SAMD15: variants seen among roughly 807,000 people sequenced by gnomAD.
SAMD15 encodes sterile alpha motif domain-containing protein 15.
SAMD15 carries 37 observed loss-of-function variants against 50.5 expected under a neutral mutation model. That is an observed-to-expected ratio of 0.73 (90% CI 0.56 to 0.96). SAMD15 has a LOEUF of 0.96. Among genes scored for constraint, SAMD15 ranks in the 40% least tolerant of loss-of-function variants. SAMD15 has a pLI of 0.00. For missense variants in SAMD15, 789 were observed against 783.8 expected (o/e 1.01, Z -0.08); for synonymous variants, 255 against 282.8 (o/e 0.90, Z 0.99).
At chr14:77,383,275 A>G (rs560869905) in intron 2 of SAMD15, among the ~76,000 whole-genome samples, 2 of 152,316 alleles carry the variant, frequency 1.3e-5, no homozygotes, top group South Asian at 4.1e-4. Flanking sequence ...AATTAGCAAA[A>G]TAGTAACCTG....
Position 77,378,555 on chromosome 14 carries a change from T to C in SAMD15, c.1137T>C (p.Thr379=), listed in dbSNP as rs1222111503. 1.2e-6 allele frequency: 2 copies of C among 1,613,292 alleles called. No individual in the cohort carries two copies. Among genetic ancestry groups the C allele is most frequent in the South Asian group, 2.2e-5 (2 of 91,012 alleles). ...EKKNPQPPEE[T]GPVLPQEINP... is the part of the protein sequence containing the mutation. The stretch of plus-strand genomic sequence containing the variant: ...AAAATCCACAGCCACCAGAGGAGAC[T>C]GGTCCAGTGCTACCACAGGAGATCA... Residue 379 remains threonine, a synonymous_variant, in exon 1 of 3, where the codon ACT becomes ACC. Coordinates refer to ENST00000216471, the MANE Select transcript of SAMD15 (RefSeq NM_001010860.4).
chr14:77,380,511 GC>G (rs1893932260), intron 2 of SAMD15, 30 bp downstream of exon 2: 1 of 1,487,554 alleles, frequency 6.7e-7, no homozygotes, highest in African/African-American at 1.4e-5. Flanking sequence ...TCCCTACAGA[GC>G]ACTGTTAACA....
At chr14:77,382,137 T>TG (rs1465255407) in intron 2 of SAMD15, among the ~76,000 whole-genome samples, 253 of 151,542 alleles carry the variant, frequency 1.7e-3, no homozygotes, top group Non-Finnish European at 3.2e-3. Context: ...GGGGTTTTTT[T>TG]TTTTTGAGAC....
chr14:77,377,498 G>C lies in SAMD15; in HGVS notation c.80G>C (p.Gly27Ala). Residue 27 changes from glycine to alanine, a missense_variant, in exon 1 of 3, where the codon GGA becomes GCA. This residue lies in a region of SAMD15 where 770 missense variants were observed against 745.4 expected (regional missense o/e 1.03). Transcript: ENST00000216471. The part of the protein sequence containing the change: ...ELEPERPELP[G>A]LHKLYENAEP... ...GAGCCTGAGAGGCCTGAACTGCCTGGACTTCATAAATTGTATGAAAATGCC... is the reference window on the plus strand; with the variant it reads ...GAGCCTGAGAGGCCTGAACTGCCTGCACTTCATAAATTGTATGAAAATGCC... 1 of 1,614,108 alleles carries C rather than the reference G, an allele frequency of 6.2e-7. No homozygotes were observed. Among genetic ancestry groups the C allele is most frequent in the Non-Finnish European group, 8.5e-7 (1 of 1,180,018 alleles).
At chr14:77,388,110 A>T (rs1010238027) in intron 2 of SAMD15, among the ~76,000 whole-genome samples, 1 of 152,076 alleles carries the variant, frequency 6.6e-6, no homozygotes, top group African/African-American at 2.4e-5. Flanking sequence ...TACTGTGCAA[A>T]ACAGTAGTGA....
At chr14:77,389,274 G>A (rs12434419) in intron 2 of SAMD15, among the ~76,000 whole-genome samples, 44,540 of 151,612 alleles carry the variant, frequency 0.29, 7,198 homozygotes, top group African/African-American at 0.42. Context: ...TTTTATATCA[G>A]GTTTAGCATT....
chr14:77,378,777 C>A lies in SAMD15; in HGVS notation c.1359C>A (p.Asp453Glu), dbSNP rs184667014. 6.2e-7 allele frequency: 1 copy of A among 1,611,932 alleles called. No individual in the cohort carries two copies. The highest frequency in any genetic ancestry group is 8.5e-7 in the Non-Finnish European group (1 of 1,179,418). The change falls in exon 1 of 3, where the codon GAC becomes GAA. Residue 453 changes from aspartate (D) to glutamate (E), a missense_variant. Physicochemically the swap from Asp to Glu is conservative, Grantham distance 45 (BLOSUM62 2). Around this residue, in one of 2 missense-constraint regions of SAMD15, gnomAD observed 770 missense variants for 745.4 expected, o/e 1.03. Coordinates refer to ENST00000216471, the MANE Select transcript of SAMD15 (RefSeq NM_001010860.4). ...EPKRGKLSLS[D>E]KFRKEYYALG... ...AAAGAGGAAAGTTGTCACTAAGTGACAAATTTAGAAAAGAATATTACGCAT... is the reference window on the plus strand; with the variant it reads ...AAAGAGGAAAGTTGTCACTAAGTGAAAAATTTAGAAAAGAATATTACGCAT...
chr14:77,381,784 T>G (rs1893945612), intron 2 of SAMD15, among the ~76,000 whole-genome samples: 1 of 152,234 alleles, frequency 6.6e-6, no homozygotes, highest in South Asian at 2.1e-4. Flanking sequence ...TTTCTTAAAT[T>G]CTGCTAATAG....
In SAMD15 at chr14:77,380,450, A is replaced by G; in HGVS notation, c.1757A>G (p.Gln586Arg). The G allele has an allele frequency of 2.5e-6, 4 of 1,613,778 alleles. No individual in the cohort carries two copies. In the South Asian group the frequency reaches 4.4e-5, roughly 18 times the overall value. The change falls in exon 2 of 3, where the codon CAG (glutamine) becomes CGG (arginine). Residue 586 changes from glutamine (Q) to arginine (R), a missense_variant. Around this residue, in one of 2 missense-constraint regions of SAMD15, gnomAD observed 770 missense variants for 745.4 expected, o/e 1.03. Transcript: ENST00000216471. ...CACGTCAACTGCTCAAACCTCCCTC[A>G]GATGGGGATAACAAACTTTGAGGAC... Reference protein sequence around the residue: ...LIHVNCSNLPQMGITNFEDMK... With the variant: ...LIHVNCSNLPRMGITNFEDMK...
Position 77,378,631 on chromosome 14 carries a change from G to A in SAMD15, c.1213G>A (p.Glu405Lys), listed in dbSNP as rs1256814654. The change falls in exon 1 of 3, where the codon GAG becomes AAG. Residue 405 changes from glutamate (E) to lysine (K), a missense_variant. Physicochemically the swap from Glu to Lys is moderately conservative, Grantham distance 56. Transcript: ENST00000216471. Reference sequence around the variant, plus strand: ...AACAAAGCCAACTGAGAAAATTCTAGAGTTACCAGATGAAACCAAACCAAG... The same window carrying A: ...AACAAAGCCAACTGAGAAAATTCTAAAGTTACCAGATGAAACCAAACCAAG... Reference protein sequence around the residue: ...TQTKPTEKILELPDETKPRET... With the variant: ...TQTKPTEKILKLPDETKPRET... 2 of 1,613,916 alleles carry A rather than the reference G, an allele frequency of 1.2e-6. No individual in the cohort carries two copies. The highest frequency in any genetic ancestry group is 1.3e-5 in the African/African-American group (1 of 74,902).
At chr14:77,390,510 G>A (rs1396154497) in intron 2 of SAMD15, among the ~76,000 whole-genome samples, 24 of 152,168 alleles carry the variant, frequency 1.6e-4, no homozygotes, top group Admixed American at 1.6e-3. Flanking sequence ...CTTTGAAAAG[G>A]ATAATCATGA....
In SAMD15 at chr14:77,377,768, A is replaced by T. The variant is rs752693521; in HGVS notation, c.350A>T (p.Glu117Val). 6.2e-7 allele frequency: 1 copy of T among 1,614,108 alleles called. No individual in the cohort carries two copies. Among genetic ancestry groups the T allele is most frequent in the Admixed American group, 1.7e-5 (1 of 60,018 alleles). ...VKSETSREMG[E>V]FFKDLEAPMD... is the part of the protein sequence containing the mutation. ...TCGGAAACATCCAGAGAGATGGGAGAGTTTTTCAAAGATTTGGAGGCCCCT... is the reference window on the plus strand; with the variant it reads ...TCGGAAACATCCAGAGAGATGGGAGTGTTTTTCAAAGATTTGGAGGCCCCT... Residue 117 changes from glutamate (E) to valine (V), a missense_variant, in exon 1 of 3, where the codon GAG becomes GTG. Glu to Val is a moderately radical substitution (Grantham distance 121, BLOSUM62 -2). Transcript: ENST00000216471.
In SAMD15 at chr14:77,378,856, C is replaced by A; in HGVS notation, c.1438C>A (p.Gln480Lys). Residue 480 changes from glutamine to lysine, a missense_variant, in exon 1 of 3, where the codon CAA becomes AAA. Coordinates refer to ENST00000216471, the MANE Select transcript of SAMD15 (RefSeq NM_001010860.4). Reference protein sequence around the residue: ...ESIGTHYEFLQPLQKLLNVSE... With the variant: ...ESIGTHYEFLKPLQKLLNVSE... ...AATTGGTACACATTATGAGTTTTTG[C>A]AACCACTCCAAAAATTGCTTAATGT... 1.2e-6 allele frequency: 2 copies of A among 1,613,862 alleles called. No homozygotes were observed. The highest frequency in any genetic ancestry group is 1.7e-6 in the Non-Finnish European group (2 of 1,179,906).
rs370903987 is a variant in SAMD15 at position 77,378,592 on chromosome 14, G to C, written c.1174G>C (p.Glu392Gln). Residue 392 changes from glutamate to glutamine, a missense_variant, in exon 1 of 3, where the codon GAA becomes CAA. Physicochemically the swap from Glu to Gln is conservative, Grantham distance 29 (BLOSUM62 2). Coordinates refer to ENST00000216471, the MANE Select transcript of SAMD15 (RefSeq NM_001010860.4). ...VLPQEINPQV[E>Q]EKTQTKPTEK... Reference sequence around the variant, plus strand: ...ACCACAGGAGATCAACCCACAAGTTGAAGAGAAAACACAAACAAAGCCAAC... The same window carrying C: ...ACCACAGGAGATCAACCCACAAGTTCAAGAGAAAACACAAACAAAGCCAAC... 6.8e-6 allele frequency: 11 copies of C among 1,613,500 alleles called. No homozygotes were observed. Among genetic ancestry groups the C allele is most frequent in the Non-Finnish European group, 7.6e-6 (9 of 1,179,952 alleles).
chr14:77,385,128 A>G (rs1893989783), intron 2 of SAMD15, among the ~76,000 whole-genome samples: 1 of 150,184 alleles, frequency 6.7e-6, no homozygotes, highest in Non-Finnish European at 1.5e-5. Context: ...GGTTGCAGTG[A>G]GCTGAGATCA....
At position 77,391,604 on chromosome 14, in the gene SAMD15, C is replaced by T. The variant is rs114998653; in HGVS notation, c.*360C>T. 0.018 allele frequency: 3,034 copies of T among 170,920 alleles called. 93 individuals carry two copies. The highest frequency in any genetic ancestry group is 0.067 in the African/African-American group (2,834 of 42,322). 10.6% of individuals were successfully genotyped at this position (170,920 alleles called of 1,614,324 possible). On this transcript the variant is annotated 3_prime_UTR_variant, in exon 3 of 3. Coordinates refer to ENST00000216471, the MANE Select transcript of SAMD15 (RefSeq NM_001010860.4). ...TGCTGGGATTACAAGCGTGACCTAC[C>T]GCACCTGGCCCTTTTTCTCCTTTTC...
At position 77,380,428 on chromosome 14, in the gene SAMD15, G is replaced by T. The variant is rs766411092; in HGVS notation, c.1735G>T (p.Val579Phe). Residue 579 changes from valine to phenylalanine, a missense_variant, in exon 2 of 3, where the codon GTC becomes TTC. By Grantham distance (50) the Val-to-Phe change is conservative. Transcript: ENST00000216471. ...CATCAGTGGCCGAAAACTCATTCAC[G>T]TCAACTGCTCAAACCTCCCTCAGAT... is the stretch of plus-strand genomic sequence containing the variant. Reference protein sequence around the residue: ...NFISGRKLIHVNCSNLPQMGI... With the variant: ...NFISGRKLIHFNCSNLPQMGI... 1 of 1,613,646 alleles carries T rather than the reference G, an allele frequency of 6.2e-7. No individual in the cohort carries two copies. The highest frequency in any genetic ancestry group is 8.5e-7 in the Non-Finnish European group (1 of 1,179,764).
Position 77,391,925 on chromosome 14 carries a change from A to G in SAMD15, c.*681A>G, listed in dbSNP as rs12436751. On this transcript the variant is annotated 3_prime_UTR_variant, in exon 3 of 3. Coordinates refer to ENST00000216471, the MANE Select transcript of SAMD15 (RefSeq NM_001010860.4). ...AAAAATTAGCTGGGCATGGTGGCACATGCCTGTAGTCCCAGCTACTCAGGA... is the reference window on the plus strand; with the variant it reads ...AAAAATTAGCTGGGCATGGTGGCACGTGCCTGTAGTCCCAGCTACTCAGGA... 7.2e-5 allele frequency among the ~76,000 whole-genome samples: 11 copies of G among 152,170 alleles called. No individual in the cohort carries two copies. Among genetic ancestry groups the G allele is most frequent in the South Asian group, 2.1e-4 (1 of 4,820 alleles).
At chr14:77,389,399 C>T (rs1185969024) in intron 2 of SAMD15, among the ~76,000 whole-genome samples, 2 of 151,878 alleles carry the variant, frequency 1.3e-5, no homozygotes, top group African/African-American at 2.4e-5. Flanking sequence ...GCAGCAATTC[C>T]ATGGACTGTC....
Sources: gnomAD v4.1 joint callset for allele counts (sites outside exome capture counted in the v4.1 genomes callset) on GRCh38, gnomAD v4.1.1 for gene constraint, gnomAD v4.1.1 regional missense constraint, MANE v1.5 for transcripts, NCBI Gene and HGNC (gene_info 2026-07-23, HGNC 2026-07-21) for gene names.